YES1: variants seen among roughly 807,000 people sequenced by gnomAD.
YES1 encodes the protein tyrosine-protein kinase Yes.
In YES1, 39 loss-of-function variants were observed where a neutral mutation model predicts 70.4. The observed-to-expected ratio is 0.55, with a 90% CI of 0.43 to 0.72. The LOEUF (loss-of-function observed/expected upper bound fraction) is 0.72, where lower values mean the gene tolerates loss of function less well. Among genes scored for constraint, YES1 ranks in the 30% least tolerant of loss-of-function variants. The pLI is 0.00. For missense variants in YES1, 495 were observed against 644.8 expected, an observed-to-expected ratio of 0.77 and a Z score of 2.52; for synonymous variants, 198 against 218.6, an observed-to-expected ratio of 0.91 and a Z score of 0.83.
At chr18:747,105 A>G (rs556399895) in intron 4 of YES1, among the ~76,000 whole-genome samples, 1 of 152,320 alleles carries the variant, frequency 6.6e-6, no homozygotes, top group African/African-American at 2.4e-5. Context: ...TTTCATGGGC[A>G]TATTACTTTT....
chr18:808,600 A>C (rs1248008694), intron 1 of YES1, among the ~76,000 whole-genome samples: 2 of 152,226 alleles, frequency 1.3e-5, no homozygotes, highest in Non-Finnish European at 2.9e-5. Context: ...GATCTTACTA[A>C]AACTTCCTGT....
At chr18:756,954 C>T in intron 1 of YES1, 119 bp from the exon 2 acceptor site, 2 of 1,023,106 alleles carry the variant, frequency 2.0e-6, no homozygotes, top group Non-Finnish European at 2.8e-6. Flanking sequence ...GGAACATAAA[C>T]AAAACAAAAA....
chr18:804,859 A>G (rs532219831), intron 1 of YES1, among the ~76,000 whole-genome samples: 42 of 140,548 alleles, frequency 3.0e-4, no homozygotes, highest in South Asian at 4.7e-4. Context: ...GGTTGTAGTG[A>G]GCTGAGATCA....
intron 8 of YES1, among the ~76,000 whole-genome samples, chr18:741,094 C>CAT (rs2080212262): frequency 6.6e-6 from 1 of 151,946 alleles, no homozygotes; most frequent in Non-Finnish European, 1.5e-5. Flanking sequence ...GACGGGGTTT[C>CAT]GCTATGTTGG....
At chr18:757,485 A>C (rs1180077605) in intron 1 of YES1, among the ~76,000 whole-genome samples, 1 of 144,494 alleles carries the variant, frequency 6.9e-6, no homozygotes, top group African/African-American at 2.6e-5. Context: ...CCTGGGCGAC[A>C]GAGCGAGACT....
At chr18:801,254 G>A (rs1206195613) in intron 1 of YES1, among the ~76,000 whole-genome samples, 2 of 152,186 alleles carry the variant, frequency 1.3e-5, no homozygotes, top group Non-Finnish European at 2.9e-5. Context: ...GATCGCTTGA[G>A]CCCAGGAAGA....
At position 745,749 on chromosome 18, in the gene YES1, G is replaced by A; in HGVS notation, c.683C>T (p.Ala228Val). 1 of 1,613,086 alleles carries A rather than the reference G, an allele frequency of 6.2e-7. No homozygotes were observed. Among genetic ancestry groups the A allele is most frequent in the Non-Finnish European group, 8.5e-7 (1 of 1,179,692 alleles). ...DNGGYYITTR[A>V]QFDTLQKLVK... ...CAATTTCTGCAGAGTATCAAATTGT[G>A]CTCTGGTTGTGATATAGTATCCACC... Residue 228 changes from alanine to valine, a missense_variant, in exon 6 of 12, where the codon GCA (alanine) becomes GTA (valine). Physicochemically the swap from Ala to Val is moderately conservative, Grantham distance 64. Around this residue, in one of 2 missense-constraint regions of YES1, gnomAD observed 385 missense variants for 540.9 expected, o/e 0.71. Coordinates refer to ENST00000314574, the MANE Select transcript of YES1 (RefSeq NM_005433.4).
chr18:769,184 CAAT>C (rs1404949313), intron 1 of YES1, among the ~76,000 whole-genome samples: 3 of 152,164 alleles, frequency 2.0e-5, no homozygotes, highest in Non-Finnish European at 2.9e-5. Context: ...GATGTTCACA[CAAT>C]GATGAAATCG....
chr18:736,956 A>G lies in YES1; in HGVS notation c.1143T>C (p.Ala381=), dbSNP rs1364926113. 3 of 1,605,028 alleles carry G rather than the reference A, an allele frequency of 1.9e-6. No homozygotes were observed. Among genetic ancestry groups the G allele is most frequent in the African/African-American group, 1.3e-5 (1 of 74,718 alleles). ...TTCTTTCAATATATGCCATACCATC[A>G]GCAATCTTGGAAAGAGAAAAACAAA... ...PQLVDMAAQI[A]DGMAYIERMN... is the part of the protein sequence containing the mutation. The change falls in exon 10 of 12, where the codon GCT becomes GCC. Residue 381 remains alanine, a synonymous_variant. Coordinates refer to ENST00000314574, the MANE Select transcript of YES1 (RefSeq NM_005433.4).
chr18:733,075 G>A lies in YES1; in HGVS notation c.1292-110C>T, dbSNP rs552125597. 2.6e-5 allele frequency: 27 copies of A among 1,026,456 alleles called. No individual in the cohort carries two copies. In the South Asian group the frequency reaches 4.1e-4, roughly 15 times the overall value. The allele number at this position is 1,026,456 out of a possible 1,614,324, so 63.6% of individuals were successfully genotyped here. On this transcript the variant is annotated intron_variant, in intron 10 of 11. Transcript: ENST00000314574. ...CAATATCTCTACTGTAGTCATCAGT[G>A]TCAATTCTTTAAATGTACAAGATAC...
chr18:809,394 G>A (rs1003294046), intron 1 of YES1, among the ~76,000 whole-genome samples: 1 of 152,050 alleles, frequency 6.6e-6, no homozygotes, highest in African/African-American at 2.4e-5. Context: ...CTGTCTCCCG[G>A]GTTCAAGCGA....
intron 1 of YES1, among the ~76,000 whole-genome samples, chr18:784,212 A>C (rs1404472898): frequency 6.6e-6 from 1 of 152,220 alleles, no homozygotes; most frequent in African/African-American, 2.4e-5. Context: ...TTTCATTACA[A>C]GTTTTCTATA....
intron 1 of YES1, among the ~76,000 whole-genome samples, chr18:794,900 T>TC (rs1310810629): frequency 3.9e-4 from 59 of 152,292 alleles, no homozygotes; most frequent in African/African-American, 1.4e-3. Context: ...CACTGCAACC[T>TC]TGCCTCCCGG....
At chr18:796,165 G>A (rs1906534136) in intron 1 of YES1, among the ~76,000 whole-genome samples, 1 of 152,158 alleles carries the variant, frequency 6.6e-6, no homozygotes, top group East Asian at 1.9e-4. Context: ...GTTTTGAAAA[G>A]GAAAACAGGA....
intron 1 of YES1, among the ~76,000 whole-genome samples, chr18:775,763 C>T (rs1905348360): frequency 6.6e-6 from 1 of 151,960 alleles, no homozygotes; most frequent in African/African-American, 2.4e-5. Flanking sequence ...TGCCACTGCA[C>T]TCCAGCCTGG....
At chr18:787,492 T>C (rs1906024554) in intron 1 of YES1, among the ~76,000 whole-genome samples, 4 of 152,024 alleles carry the variant, frequency 2.6e-5, no homozygotes, top group Non-Finnish European at 5.9e-5. Flanking sequence ...GGTGGATCAC[T>C]GAAGGTCAGG....
intron 11 of YES1, 72 bp downstream of exon 11, chr18:732,762 C>T: frequency 6.3e-7 from 1 of 1,596,636 alleles, no homozygotes; most frequent in African/African-American, 1.3e-5. Context: ...TCCCCGCTTA[C>T]AATTCTGTTC....
intron 2 of YES1, 135 bp downstream of exon 2, chr18:756,422 A>G (rs1045668824): frequency 8.3e-7 from 1 of 1,201,782 alleles, no homozygotes; most frequent in African/African-American, 1.5e-5. Flanking sequence ...TTTATGTTAG[A>G]GACTGATTTT....
chr18:761,810 C>T (rs1904607224), intron 1 of YES1, among the ~76,000 whole-genome samples: 1 of 152,200 alleles, frequency 6.6e-6, no homozygotes, highest in Non-Finnish European at 1.5e-5. Context: ...TGAAATATTA[C>T]TAATGTCATA....
Sources: allele counts gnomAD v4.1 joint callset (sites outside exome capture counted in the v4.1 genomes callset), GRCh38; gene constraint gnomAD v4.1.1; regional missense constraint gnomAD v4.1.1; transcripts MANE v1.5; gene names NCBI Gene and HGNC (gene_info 2026-07-23, HGNC 2026-07-21).